ITPR1: variants seen among roughly 807,000 people sequenced by gnomAD.
The protein encoded by ITPR1 is inositol 1,4,5-trisphosphate receptor type 1.
ITPR1 carries 96 observed loss-of-function variants against 318.4 expected under a neutral mutation model. That is an observed-to-expected ratio of 0.30 (90% CI 0.26 to 0.36). ITPR1 has a LOEUF of 0.36. Ranked by LOEUF, ITPR1 falls within the 10% of genes least tolerant of loss-of-function variation. ITPR1 has a pLI of 1.00. For missense variants in ITPR1, 2,440 were observed against 3,460.2 expected, an observed-to-expected ratio of 0.71 and a Z score of 7.40; for synonymous variants, 1,312 against 1,289.9, an observed-to-expected ratio of 1.02 and a Z score of -0.37.
At chr3:4,803,835 G>A (rs1458491027) in intron 54 of ITPR1, among the ~76,000 whole-genome samples, 1 of 152,112 alleles carries the variant, frequency 6.6e-6, no homozygotes, top group Non-Finnish European at 1.5e-5. Context: ...CTGGTAGGGG[G>A]CAAACAGCTA....
chr3:4,700,092 G>A (rs2094622306), intron 35 of ITPR1, among the ~76,000 whole-genome samples, 151 bp downstream of exon 35: 3 of 152,150 alleles, frequency 2.0e-5, no homozygotes, highest in African/African-American at 4.8e-5. Context: ...AGCTTTGATG[G>A]GATTTCTTGG....
intron 44 of ITPR1, among the ~76,000 whole-genome samples, chr3:4,742,007 C>T (rs2043740265): frequency 6.6e-6 from 1 of 152,130 alleles, no homozygotes; most frequent in African/African-American, 2.4e-5. Context: ...AGTGACTTGT[C>T]CCCAGCAGGC....
chr3:4,780,987 T>C (rs2046797765), intron 49 of ITPR1, among the ~76,000 whole-genome samples: 1 of 152,224 alleles, frequency 6.6e-6, no homozygotes, highest in African/African-American at 2.4e-5. Context: ...TCAGGCTTCC[T>C]GGAACAAACA....
intron 60 of ITPR1, among the ~76,000 whole-genome samples, chr3:4,834,297 G>A (rs2050729626): frequency 6.6e-6 from 1 of 152,244 alleles, no homozygotes; most frequent in Admixed American, 6.5e-5. Flanking sequence ...TTTCTCCTTT[G>A]AGGGGGTCCA....
intron 4 of ITPR1, among the ~76,000 whole-genome samples, chr3:4,601,604 T>C (rs1220620762): frequency 6.6e-6 from 1 of 152,140 alleles, no homozygotes; most frequent in Non-Finnish European, 1.5e-5. Context: ...ATACACCTCC[T>C]AGAAGAAAAC....
intron 48 of ITPR1, among the ~76,000 whole-genome samples, chr3:4,778,574 T>A (rs1402222219): frequency 6.6e-6 from 1 of 152,242 alleles, no homozygotes; most frequent in Admixed American, 6.5e-5. Flanking sequence ...ACTTTTTTTC[T>A]GCTATTTTTA....
Position 4,777,310 on chromosome 3 carries a change from C to T in ITPR1, c.6227C>T (p.Ala2076Val). ...TCCAATGGCATTGACATCATCACAGCCCTGATCCTCAATGATATCAATCCT... is the reference window on the plus strand; with the variant it reads ...TCCAATGGCATTGACATCATCACAGTCCTGATCCTCAATGATATCAATCCT... ...HESNGIDIIT[A>V]LILNDINPLG... is the part of the protein sequence containing the mutation. Residue 2076 changes from alanine to valine, a missense_variant, in exon 48 of 62, where the codon GCC becomes GTC. By Grantham distance (64) the Ala-to-Val change is moderately conservative. Transcript: ENST00000649015. The T allele has an allele frequency of 6.2e-7, 1 of 1,607,824 alleles. No homozygotes were observed. The highest frequency in any genetic ancestry group is 1.1e-5 in the South Asian group (1 of 89,372).
At chr3:4,665,481 A>T (rs1332539384) in intron 17 of ITPR1, among the ~76,000 whole-genome samples, 185 bp downstream of exon 17, 2 of 152,190 alleles carry the variant, frequency 1.3e-5, no homozygotes, top group Non-Finnish European at 2.9e-5. Flanking sequence ...TCGTTAAGAA[A>T]CGTACTGGAG....
chr3:4,523,430 A>ATT (rs5846325), intron 4 of ITPR1, among the ~76,000 whole-genome samples: 118,294 of 150,714 alleles, frequency 0.78, 46,559 homozygotes, highest in South Asian at 0.92. Flanking sequence ...CATGCTTATT[A>ATT]TTTTTTTTGG....
At chr3:4,494,898 T>C (rs2080433295) in intron 2 of ITPR1, among the ~76,000 whole-genome samples, 1 of 152,246 alleles carries the variant, frequency 6.6e-6, no homozygotes, top group African/African-American at 2.4e-5. Flanking sequence ...AAATAGTCAC[T>C]CTTTTCTAAT....
intron 60 of ITPR1, among the ~76,000 whole-genome samples, chr3:4,829,646 T>C (rs919972484): frequency 2.0e-5 from 3 of 152,160 alleles, no homozygotes; most frequent in Admixed American, 6.5e-5. Flanking sequence ...TAGTAACGTT[T>C]TGTATTATTG....
intron 4 of ITPR1, among the ~76,000 whole-genome samples, chr3:4,582,398 T>C (rs1413561021): frequency 6.6e-6 from 1 of 151,898 alleles, no homozygotes; most frequent in Non-Finnish European, 1.5e-5. Flanking sequence ...GTTGACAAAA[T>C]TGTTAGCATG....
chr3:4,611,074 TTCTG>T (rs1374420111), intron 4 of ITPR1, among the ~76,000 whole-genome samples: 2 of 110,004 alleles, frequency 1.8e-5, no homozygotes, highest in East Asian at 3.0e-4. Flanking sequence ...TTCCTTCCCT[TTCTG>T]TCTGTCTGTC....
Position 4,747,015 on chromosome 3 carries a change from A to G in ITPR1, c.5544+11661A>G, listed in dbSNP as rs146924493. Among the ~76,000 whole-genome samples the G allele has an allele frequency of 1.2e-4, 18 of 152,300 alleles. No homozygotes were observed. In the East Asian group the frequency reaches 3.3e-3, roughly 28 times the overall value. On this transcript the variant is annotated intron_variant, in intron 44 of 61. Transcript: ENST00000649015. ...ACCATTTTTGAATAGAAACATGAGG[A>G]TGTGAAATGTGAACTTGTGTTGTTG...
Position 4,813,149 on chromosome 3 carries a change from C to T in ITPR1, c.7476C>T (p.Gly2492=), listed in dbSNP as rs369181276. ...LPNETAVPET[G]ESLASEFLFS... is the part of the protein sequence containing the mutation. The stretch of plus-strand genomic sequence containing the variant: ...TTTCCTTCTCTCTCCCAGAAACCGG[C>T]GAGAGTTTGGCAAGCGAGTTCCTGT... The change falls in exon 57 of 62, where the codon GGC becomes GGT. Residue 2492 remains glycine (G), a synonymous_variant. Transcript: ENST00000649015. 7.4e-6 allele frequency: 12 copies of T among 1,613,560 alleles called. No individual in the cohort carries two copies. Among genetic ancestry groups the T allele is most frequent in the Admixed American group, 3.3e-5 (2 of 59,980 alleles).
intron 25 of ITPR1, 133 bp downstream of exon 25, chr3:4,680,824 G>A (rs1055871520): frequency 2.4e-5 from 18 of 756,454 alleles, no homozygotes; most frequent in Non-Finnish European, 3.7e-5. Context: ...CATCATCCTG[G>A]CAGTTACTCT....
chr3:4,655,615 G>A (rs904421859), intron 12 of ITPR1, among the ~76,000 whole-genome samples: 3 of 152,176 alleles, frequency 2.0e-5, no homozygotes, highest in African/African-American at 7.2e-5. Context: ...TGGGTTTTAG[G>A]ATCTTCCTGG....
chr3:4,741,626 A>C (rs2043711474), intron 44 of ITPR1, among the ~76,000 whole-genome samples: 2 of 152,110 alleles, frequency 1.3e-5, no homozygotes, highest in Admixed American at 1.3e-4. Flanking sequence ...CCCTTCCGGA[A>C]GTCACCAACA....
chr3:4,517,823 C>G (rs2124920186), intron 3 of ITPR1, among the ~76,000 whole-genome samples: 1 of 152,294 alleles, frequency 6.6e-6, no homozygotes, highest in East Asian at 1.9e-4. Flanking sequence ...TTTTCATCGT[C>G]TATGGTTGAC....
Sources: gnomAD v4.1 joint callset for allele counts (sites outside exome capture counted in the v4.1 genomes callset) on GRCh38, gnomAD v4.1.1 for gene constraint, MANE v1.5 for transcripts, NCBI Gene and HGNC (gene_info 2026-07-23, HGNC 2026-07-21) for gene names.